STPG2: variants seen among roughly 807,000 people sequenced by gnomAD.
STPG2 encodes sperm tail PG-rich repeat containing 2, also known as sperm-tail PG-rich repeat-containing protein 2.
STPG2 carries 56 observed loss-of-function variants against 54.2 expected under a neutral mutation model. The observed-to-expected ratio is 1.03, with a 90% CI of 0.83 to 1.29. The LOEUF is 1.29. Ranked by LOEUF, STPG2 falls within the 50% of genes most tolerant of loss-of-function variation. The probability of loss-of-function intolerance (pLI) is 0.00; values close to 1 mark genes in which losing one functional copy is unlikely to be tolerated. For synonymous variants in STPG2, 200 were observed against 181.8 expected, an observed-to-expected ratio of 1.10 and a Z score of -0.81; for missense variants, 596 against 544.9, an observed-to-expected ratio of 1.09 and a Z score of -0.93.
At position 97,538,418 on chromosome 4, in the gene STPG2, G is replaced by A. The variant is rs146496075; in HGVS notation, c.462+174281C>T. ...ATGCACAAGCTTCAGTAGCCAATTC[G>A]AACAACTGGAAGAAAGGATATCAGG... On this transcript the variant is annotated intron_variant, in intron 4 of 4. Transcript: ENST00000522676. Among the ~76,000 whole-genome samples, 630 of 152,214 alleles carry A rather than the reference G, an allele frequency of 4.1e-3. 5 individuals carry two copies. Among genetic ancestry groups the A allele is most frequent in the South Asian group, 0.017 (80 of 4,812 alleles).
rs1246552532 is a variant in STPG2, at chr4:98,070,002, T to G, written c.612+35951A>C. 3.3e-5 allele frequency among the ~76,000 whole-genome samples: 5 copies of G among 151,840 alleles called. No individual in the cohort carries two copies. In the East Asian group the frequency reaches 9.6e-4, roughly 29 times the overall value. On this transcript the variant is annotated intron_variant, in intron 5 of 10. Transcript: ENST00000295268. ...TTTCTACTGAAACTATTCCAAAAAT[T>G]GAAAAGGAGGGACTCCTACCTGACT...
At chr4:98,054,754 C>T (rs1412092620) in intron 5 of STPG2, among the ~76,000 whole-genome samples, 2 of 152,022 alleles carry the variant, frequency 1.3e-5, no homozygotes, top group Non-Finnish European at 2.9e-5. Flanking sequence ...ATGCAATTTT[C>T]CTTTGGTGGA....
chr4:97,895,232 T>C (rs1428014995), intron 8 of STPG2, among the ~76,000 whole-genome samples: 1 of 151,362 alleles, frequency 6.6e-6, no homozygotes, highest in Non-Finnish European at 1.5e-5. Flanking sequence ...TGCTAAGATA[T>C]TACCTTTGAA....
intron 9 of STPG2, among the ~76,000 whole-genome samples, chr4:97,800,451 A>G (rs949152739): frequency 1.3e-5 from 2 of 152,244 alleles, no homozygotes; most frequent in Admixed American, 1.3e-4. Flanking sequence ...GATCCACTCC[A>G]GACCCTTTTT....
chr4:97,821,139 A>G (rs1002906173), intron 9 of STPG2, among the ~76,000 whole-genome samples: 4 of 152,220 alleles, frequency 2.6e-5, no homozygotes, highest in African/African-American at 9.6e-5. Context: ...TAGTTACTTT[A>G]AAGGTACAAT....
intron 10 of STPG2, among the ~76,000 whole-genome samples, chr4:97,608,074 G>A (rs1258576970): frequency 6.6e-6 from 1 of 151,958 alleles, no homozygotes; most frequent in Non-Finnish European, 1.5e-5. Flanking sequence ...TCAAGTTAAA[G>A]GAAAAGAGAT....
At chr4:97,969,074 C>G (rs1459311968) in intron 7 of STPG2, among the ~76,000 whole-genome samples, 1 of 152,232 alleles carries the variant, frequency 6.6e-6, no homozygotes, top group East Asian at 1.9e-4. Context: ...ACACCCTCAT[C>G]TTGCCACGGC....
intron 4 of STPG2, among the ~76,000 whole-genome samples, chr4:97,477,508 G>A (rs866458381): frequency 1.8e-4 from 23 of 129,608 alleles, no homozygotes; most frequent in Admixed American, 1.1e-3. Flanking sequence ...ACTGACTCTC[G>A]CTCTGTTGCT....
rs575400821 is a variant in STPG2 at position 97,465,403 on chromosome 4, A to G, written c.462+247296T>C. 3.3e-5 allele frequency among the ~76,000 whole-genome samples: 5 copies of G among 152,268 alleles called. No homozygotes were observed. In the South Asian group the frequency reaches 1.0e-3, roughly 32 times the overall value. ...ATGACTTTCAAGCTCTTTATATATT[A>G]GAGCTGAATCCAGAAGTCTATTTGG... On this transcript the variant is annotated intron_variant, in intron 4 of 4. Coordinates refer to the STPG2 transcript ENST00000522676.
intron 4 of STPG2, among the ~76,000 whole-genome samples, chr4:97,470,691 T>C (rs529435478): frequency 6.6e-6 from 1 of 152,072 alleles, no homozygotes; most frequent in East Asian, 1.9e-4. Flanking sequence ...ATGAATGTGG[T>C]CTTTCTCTTT....
chr4:97,804,522 C>A lies in STPG2; in HGVS notation c.1204+36251G>T, dbSNP rs138391908. Among the ~76,000 whole-genome samples the A allele has an allele frequency of 5.7e-3, 864 of 152,080 alleles. 8 individuals are homozygous for A. The highest frequency in any genetic ancestry group is 0.02 in the African/African-American group (816 of 41,466). ...GATATAAAGAAAATATTTTTGTACA[C>A]AGTACAATGTGTTTGTGCTTTAAAC... On this transcript the variant is annotated intron_variant, in intron 9 of 10. Coordinates refer to ENST00000295268, the MANE Select transcript of STPG2 (RefSeq NM_174952.3).
At chr4:97,672,595 G>A (rs558389310) in intron 10 of STPG2, among the ~76,000 whole-genome samples, 1 of 152,286 alleles carries the variant, frequency 6.6e-6, no homozygotes, top group South Asian at 2.1e-4. Context: ...GGAGAGTTAT[G>A]TGGGTATATA....
intron 10 of STPG2, among the ~76,000 whole-genome samples, chr4:97,657,547 G>A (rs1722250165): frequency 6.6e-6 from 1 of 152,086 alleles, no homozygotes; most frequent in Non-Finnish European, 1.5e-5. Flanking sequence ...CCCACACAGG[G>A]GTGGGCCTGA....
chr4:97,871,670 C>G (rs1729994465), intron 8 of STPG2, among the ~76,000 whole-genome samples: 1 of 151,096 alleles, frequency 6.6e-6, no homozygotes, highest in Non-Finnish European at 1.5e-5. Context: ...AAGAAAGCAT[C>G]AGACCCAGAT....
At position 98,106,060 on chromosome 4, in the gene STPG2, T is replaced by C; in HGVS notation, c.505A>G (p.Lys169Glu). 1 of 1,455,690 alleles carries C rather than the reference T, an allele frequency of 6.9e-7. No homozygotes were observed. Among genetic ancestry groups the C allele is most frequent in the East Asian group, 2.4e-5 (1 of 41,840 alleles). 90.2% of individuals were successfully genotyped at this position (1,455,690 alleles called of 1,614,324 possible). Reference protein sequence around the residue: ...GPGQYDIVQKKTSYYENVNIK... With the variant: ...GPGQYDIVQKETSYYENVNIK... ...TTAACATTTTCATAATATGATGTCTTTTTCCTTCAGAAAATTCAAATAGAA... is the reference window on the plus strand; with the variant it reads ...TTAACATTTTCATAATATGATGTCTCTTTCCTTCAGAAAATTCAAATAGAA... Residue 169 changes from lysine (K) to glutamate (E), a missense_variant, in exon 5 of 11, where the codon AAG (lysine) becomes GAG (glutamate). Transcript: ENST00000295268.
At chr4:98,072,570 TAATAAAATAAAATAAAA>T (rs1373145846) in intron 5 of STPG2, among the ~76,000 whole-genome samples, 2 of 144,880 alleles carry the variant, frequency 1.4e-5, no homozygotes, top group African/African-American at 2.6e-5. Context: ...GAAGGGAAAA[TAATAAAATAAAATAAAA>T]TAAAATAAAA....
intron 4 of STPG2, among the ~76,000 whole-genome samples, chr4:97,545,891 T>C (rs1418931625): frequency 6.6e-6 from 1 of 152,150 alleles, no homozygotes; most frequent in East Asian, 1.9e-4. Flanking sequence ...ATAAGATTTA[T>C]GTATCTCTTT....
intron 9 of STPG2, among the ~76,000 whole-genome samples, chr4:97,820,079 C>T (rs2149103876): frequency 6.6e-6 from 1 of 152,168 alleles, no homozygotes; most frequent in Middle Eastern, 3.4e-3. Context: ...CTCAACGTCA[C>T]ATTTTGGTAA....
intron 10 of STPG2, among the ~76,000 whole-genome samples, chr4:97,643,583 G>T (rs574421633): frequency 2.0e-5 from 3 of 151,682 alleles, no homozygotes; most frequent in Admixed American, 6.6e-5. Flanking sequence ...ACTTTAAAGG[G>T]CTTATTTGCA....
Sources: gnomAD v4.1 joint callset for allele counts (sites outside exome capture counted in the v4.1 genomes callset) on GRCh38, gnomAD v4.1.1 for gene constraint, MANE v1.5 for transcripts, NCBI Gene and HGNC (gene_info 2026-07-23, HGNC 2026-07-21) for gene names.